The following ZNF609 variants were observed in gnomAD, a reference collection of about 807,000 sequenced individuals.
ZNF609 encodes the protein zinc finger protein 609.
ZNF609 carries 11 observed loss-of-function variants against 109.5 expected under a neutral mutation model. The ratio of observed to expected loss-of-function variants is 0.10; its 90% CI spans 0.06 to 0.17. ZNF609 has a LOEUF of 0.17. Ranked by LOEUF, ZNF609 falls within the 10% of genes least tolerant of loss-of-function variation. ZNF609 has a pLI of 1.00. For synonymous variants in ZNF609, 646 were observed against 662.0 expected (o/e 0.98, Z 0.37); for missense variants, 1,559 against 1,772.4 (o/e 0.88, Z 2.16).
chr15:64,471,966 A>AATG (rs1278949091), intron 1 of ZNF609, among the ~76,000 whole-genome samples: 2 of 151,908 alleles, frequency 1.3e-5, no homozygotes, highest in Non-Finnish European at 2.9e-5. Flanking sequence ...GCAGGAGTGC[A>AATG]ATGGCACAAT....
At chr15:64,493,844 C>T (rs1452645563) in intron 1 of ZNF609, among the ~76,000 whole-genome samples, 1 of 152,214 alleles carries the variant, frequency 6.6e-6, no homozygotes, top group African/African-American at 2.4e-5. Context: ...TACCCCACCT[C>T]TTGGGGTTAA....
chr15:64,555,908 A>G (rs943863816), intron 2 of ZNF609, among the ~76,000 whole-genome samples: 5 of 151,126 alleles, frequency 3.3e-5, no homozygotes, highest in African/African-American at 1.2e-4. Flanking sequence ...AAAAAAAAAA[A>G]AAAGAAAACC....
At chr15:64,648,745 CAAAAAA>C (rs1162012248) in intron 3 of ZNF609, among the ~76,000 whole-genome samples, 3 of 72,410 alleles carry the variant, frequency 4.1e-5, no homozygotes, top group Non-Finnish European at 8.4e-5. Flanking sequence ...CACCACATAC[CAAAAAA>C]AAAAAAAAAA....
At chr15:64,677,418 G>C (rs1011332165) in intron 5 of ZNF609, among the ~76,000 whole-genome samples, 6 of 152,176 alleles carry the variant, frequency 3.9e-5, no homozygotes, top group African/African-American at 1.2e-4. Context: ...AGACAAGTTA[G>C]CTTAATTTGT....
At chr15:64,662,509 G>A (rs946728614) in intron 3 of ZNF609, among the ~76,000 whole-genome samples, 11 of 152,116 alleles carry the variant, frequency 7.2e-5, no homozygotes, top group African/African-American at 2.7e-4. Flanking sequence ...GAATTTTTTA[G>A]AGACAGGGTC....
chr15:64,549,233 C>G (rs1196750024), intron 2 of ZNF609, among the ~76,000 whole-genome samples: 1 of 152,016 alleles, frequency 6.6e-6, no homozygotes, highest in Admixed American at 6.6e-5. Flanking sequence ...TCTTGTAGTC[C>G]AAGCTGGAGT....
intron 2 of ZNF609, among the ~76,000 whole-genome samples, chr15:64,534,410 G>A (rs1894108876): frequency 6.6e-6 from 1 of 152,000 alleles, no homozygotes; most frequent in Admixed American, 6.6e-5. Flanking sequence ...CGCCTCCCGG[G>A]TTCAAGCGAT....
chr15:64,608,364 C>T (rs1895647328), intron 2 of ZNF609, among the ~76,000 whole-genome samples: 1 of 152,092 alleles, frequency 6.6e-6, no homozygotes, highest in African/African-American at 2.4e-5. Flanking sequence ...TAGGTTTCCC[C>T]AATGATAATA....
intron 2 of ZNF609, among the ~76,000 whole-genome samples, chr15:64,588,638 C>A (rs1394226042): frequency 2.0e-5 from 3 of 150,268 alleles, no homozygotes; most frequent in Non-Finnish European, 4.4e-5. Context: ...AACCACCATG[C>A]CTGGTCTGTA....
chr15:64,614,908 T>C (rs1205340503), intron 2 of ZNF609, among the ~76,000 whole-genome samples: 1 of 133,450 alleles, frequency 7.5e-6, no homozygotes, highest in Non-Finnish European at 1.6e-5. Flanking sequence ...AACCTCTGCC[T>C]CCCGGGTTCA....
intron 3 of ZNF609, among the ~76,000 whole-genome samples, chr15:64,669,568 A>C (rs574551914): frequency 6.6e-6 from 1 of 152,214 alleles, no homozygotes; most frequent in African/African-American, 2.4e-5. Context: ...ACTTCATTTT[A>C]TATTAGGGTT....
chr15:64,658,230 C>T (rs1397447701), intron 3 of ZNF609, among the ~76,000 whole-genome samples: 1 of 151,914 alleles, frequency 6.6e-6, no homozygotes. Flanking sequence ...CGGAGTCTTG[C>T]TCTGTTTCCC....
chr15:64,551,239 T>C (rs576460540), intron 2 of ZNF609, among the ~76,000 whole-genome samples: 1 of 152,314 alleles, frequency 6.6e-6, no homozygotes, highest in Non-Finnish European at 1.5e-5. Context: ...AATTAATTTT[T>C]GTTATGGTAT....
intron 2 of ZNF609, among the ~76,000 whole-genome samples, chr15:64,575,943 A>C (rs1321456637): frequency 6.6e-6 from 1 of 152,176 alleles, no homozygotes; most frequent in African/African-American, 2.4e-5. Context: ...TCTTCTAAAA[A>C]TACAAAAAAT....
rs566895463 is a variant in ZNF609 at position 64,504,155 on chromosome 15, T to C, written c.747+3989T>C. On this transcript the variant is annotated intron_variant, in intron 2 of 9. Transcript: ENST00000326648. The stretch of plus-strand genomic sequence containing the variant: ...TTCATGGAAAACATTAAAAAGAAGT[T>C]GATATTTATGTGGGACAGAGTTGCA... 3.3e-5 allele frequency among the ~76,000 whole-genome samples: 5 copies of C among 152,334 alleles called. No individual in the cohort carries two copies. The South Asian group carries it at 1.0e-3, about 32-fold the overall frequency.
intron 2 of ZNF609, among the ~76,000 whole-genome samples, chr15:64,557,757 C>T (rs1376881335): frequency 6.6e-6 from 1 of 152,082 alleles, no homozygotes; most frequent in East Asian, 1.9e-4. Flanking sequence ...AGTGCAGTGG[C>T]GCGATCTCGG....
chr15:64,486,670 C>G (rs1596380717), intron 1 of ZNF609, among the ~76,000 whole-genome samples: 1 of 151,902 alleles, frequency 6.6e-6, no homozygotes, highest in Non-Finnish European at 1.5e-5. Flanking sequence ...GGCCAGAGTG[C>G]AGTGGCATGA....
At chr15:64,595,603 G>C (rs1171331298) in intron 2 of ZNF609, among the ~76,000 whole-genome samples, 1 of 152,058 alleles carries the variant, frequency 6.6e-6, no homozygotes, top group African/African-American at 2.4e-5. Context: ...ATTTCTAGCT[G>C]AACAAGCCCT....
chr15:64,609,799 G>A (rs551953214), intron 2 of ZNF609, among the ~76,000 whole-genome samples: 31 of 146,380 alleles, frequency 2.1e-4, no homozygotes, highest in African/African-American at 6.3e-4. Flanking sequence ...AGGCCAAGGC[G>A]GGTGGATCAC....
Sources: allele counts gnomAD v4.1 joint callset (sites outside exome capture counted in the v4.1 genomes callset), GRCh38; gene constraint gnomAD v4.1.1; transcripts MANE v1.5; gene names NCBI Gene and HGNC (gene_info 2026-07-23, HGNC 2026-07-21).